RBFOX1: variants seen among roughly 807,000 people sequenced by gnomAD.
RBFOX1 encodes the protein RNA binding fox-1 homolog 1.
In RBFOX1, 8 loss-of-function variants were observed where a neutral mutation model predicts 57.7. The observed-to-expected ratio is 0.14, with a 90% CI of 0.08 to 0.25. RBFOX1 has a LOEUF of 0.25. Among genes scored for constraint, RBFOX1 ranks in the 10% least tolerant of loss-of-function variants. RBFOX1 has a pLI of 1.00. For missense variants in RBFOX1, 611 were observed against 548.5 expected (o/e 1.11, Z -1.14); for synonymous variants, 326 against 222.4 (o/e 1.47, Z -4.15).
chr16:6,083,226 C>G (rs1356502958), intron 1 of RBFOX1, among the ~76,000 whole-genome samples: 2 of 152,140 alleles, frequency 1.3e-5, no homozygotes, highest in Non-Finnish European at 2.9e-5. Context: ...TGGTTTTGAA[C>G]TCCTGACCTG....
At chr16:6,920,188 A>G (rs2074151642) in intron 3 of RBFOX1, among the ~76,000 whole-genome samples, 1 of 152,114 alleles carries the variant, frequency 6.6e-6, no homozygotes, top group Non-Finnish European at 1.5e-5. Flanking sequence ...GTTGATGGGC[A>G]TTGAGTTTGG....
chr16:6,063,313 C>T (rs952571095), intron 1 of RBFOX1, among the ~76,000 whole-genome samples: 1 of 152,064 alleles, frequency 6.6e-6, no homozygotes, highest in African/African-American at 2.4e-5. Context: ...GGCCAGGCTA[C>T]CTTCCTCATG....
At chr16:7,479,996 T>C (rs1599515522) in intron 4 of RBFOX1, among the ~76,000 whole-genome samples, 1 of 152,300 alleles carries the variant, frequency 6.6e-6, no homozygotes, top group East Asian at 1.9e-4. Flanking sequence ...GACGTATAGG[T>C]GCCAGTTCCA....
intron 3 of RBFOX1, among the ~76,000 whole-genome samples, chr16:6,978,070 C>T (rs1396561384): frequency 1.3e-5 from 2 of 151,658 alleles, no homozygotes; most frequent in African/African-American, 2.4e-5. Context: ...CCGTACCCCG[C>T]CCCCCTTCAT....
intron 4 of RBFOX1, among the ~76,000 whole-genome samples, chr16:7,367,771 G>C (rs970520088): frequency 6.6e-6 from 1 of 152,096 alleles, no homozygotes; most frequent in African/African-American, 2.4e-5. Flanking sequence ...TGCGTTGTCA[G>C]ATTTTCTGAT....
intron 4 of RBFOX1, among the ~76,000 whole-genome samples, chr16:7,303,998 C>T (rs1256675046): frequency 6.6e-6 from 1 of 151,806 alleles, no homozygotes; most frequent in Non-Finnish European, 1.5e-5. Flanking sequence ...TTCCACTTTC[C>T]GGGGGATCAA....
At chr16:6,901,286 A>G (rs13338774) in intron 3 of RBFOX1, among the ~76,000 whole-genome samples, 3,173 of 152,300 alleles carry the variant, frequency 0.021, 119 homozygotes, top group African/African-American at 0.071. Context: ...GTCTAAGCCC[A>G]TCCCTCTCCG....
At chr16:5,657,620 C>T (rs1200405717) in intron 3 of RBFOX1, among the ~76,000 whole-genome samples, 2 of 90,630 alleles carry the variant, frequency 2.2e-5, no homozygotes, top group African/African-American at 1.1e-4. Flanking sequence ...TTCTTTCTTT[C>T]TCTCTTTCTT....
At chr16:5,759,258 C>G (rs1247066436) in intron 3 of RBFOX1, among the ~76,000 whole-genome samples, 3 of 152,154 alleles carry the variant, frequency 2.0e-5, no homozygotes, top group Non-Finnish European at 2.9e-5. Flanking sequence ...TACAGAAGAA[C>G]CAGTGGAAAC....
chr16:6,465,395 A>G (rs1241657103), intron 2 of RBFOX1, among the ~76,000 whole-genome samples: 1 of 152,218 alleles, frequency 6.6e-6, no homozygotes, highest in Non-Finnish European at 1.5e-5. Flanking sequence ...AGAAAATAAC[A>G]GATTTGATAC....
rs76948560 is a variant in RBFOX1, at chr16:5,983,578, C to G, written c.351+116243C>G. Among the ~76,000 whole-genome samples the G allele has an allele frequency of 1.2e-3, 177 of 152,304 alleles. 2 individuals are homozygous for G. Among genetic ancestry groups the G allele is most frequent in the African/African-American group, 4.0e-3 (168 of 41,568 alleles). On this transcript the variant is annotated intron_variant, in intron 4 of 19. Transcript: ENST00000641259. ...GTGCAGGAAACGCTAGCACCCTGGG[C>G]AGGAGGATGGCTCAGGTGCTCAGGA... is the stretch of plus-strand genomic sequence containing the variant.
At chr16:5,715,680 T>G (rs1351325344) in intron 3 of RBFOX1, among the ~76,000 whole-genome samples, 1 of 152,212 alleles carries the variant, frequency 6.6e-6, no homozygotes, top group African/African-American at 2.4e-5. Flanking sequence ...GCCTTCTCCA[T>G]GATGAGTTTC....
At chr16:6,311,475 A>G (rs1310044826) in intron 1 of RBFOX1, among the ~76,000 whole-genome samples, 2 of 152,094 alleles carry the variant, frequency 1.3e-5, no homozygotes, top group Non-Finnish European at 2.9e-5. Context: ...ATGTTGGAGA[A>G]TCCGCTCCTG....
At chr16:5,913,628 C>T (rs2058649270) in intron 4 of RBFOX1, among the ~76,000 whole-genome samples, 1 of 152,170 alleles carries the variant, frequency 6.6e-6, no homozygotes, top group African/African-American at 2.4e-5. Flanking sequence ...GCCAAGTAAA[C>T]CTCTTTTCTT....
chr16:6,375,787 G>C (rs1218311728), intron 2 of RBFOX1, among the ~76,000 whole-genome samples: 1 of 152,006 alleles, frequency 6.6e-6, no homozygotes, highest in Non-Finnish European at 1.5e-5. Flanking sequence ...CAGCACAAAG[G>C]GTATCCATGA....
At chr16:6,907,236 A>T (rs1479972167) in intron 3 of RBFOX1, among the ~76,000 whole-genome samples, 1 of 152,152 alleles carries the variant, frequency 6.6e-6, no homozygotes, top group Non-Finnish European at 1.5e-5. Flanking sequence ...TACAGTGCGC[A>T]GGATGGCCCC....
At chr16:7,151,329 A>G (rs2076068566) in intron 4 of RBFOX1, among the ~76,000 whole-genome samples, 1 of 152,202 alleles carries the variant, frequency 6.6e-6, no homozygotes, top group Non-Finnish European at 1.5e-5. Flanking sequence ...TTTAAACTTT[A>G]TATTTTTTGA....
At chr16:6,202,691 C>T (rs1231507755) in intron 1 of RBFOX1, among the ~76,000 whole-genome samples, 1 of 152,130 alleles carries the variant, frequency 6.6e-6, no homozygotes, top group Non-Finnish European at 1.5e-5. Flanking sequence ...TCCAGGAAAC[C>T]ATCACCATAA....
At chr16:7,051,751 G>T (rs1006839968) in intron 3 of RBFOX1, among the ~76,000 whole-genome samples, 1 of 152,086 alleles carries the variant, frequency 6.6e-6, no homozygotes, top group Non-Finnish European at 1.5e-5. Flanking sequence ...GGAAAAGGGT[G>T]GGGAGTTTCA....
Sources: gnomAD v4.1 joint callset for allele counts (sites outside exome capture counted in the v4.1 genomes callset) on GRCh38, gnomAD v4.1.1 for gene constraint, MANE v1.5 for transcripts, NCBI Gene and HGNC (gene_info 2026-07-23, HGNC 2026-07-21) for gene names.